Variants in EFTUD2 observed in about 807,000 individuals in gnomAD.
EFTUD2 encodes the protein 116 kDa U5 small nuclear ribonucleoprotein component.
In EFTUD2, 9 loss-of-function variants were observed where a neutral mutation model predicts 114.3. That is an observed-to-expected ratio of 0.08 (90% confidence interval 0.05 to 0.14). The LOEUF (loss-of-function observed/expected upper bound fraction) is 0.14. Ranked by LOEUF, EFTUD2 falls within the 10% of genes least tolerant of loss-of-function variation. The pLI is 1.00. For missense variants in EFTUD2, 765 were observed against 1,241.2 expected (o/e 0.62, Z 5.76); for synonymous variants, 449 against 462.3 (o/e 0.97, Z 0.37).
Position 44,868,252 on chromosome 17 carries a change from C to T in EFTUD2, c.1058+35G>A, listed in dbSNP as rs771458219. ...TCCTCACTTACTGGGTAAATGATCA[C>T]CCCTCTGGAAAGTCACGTCCCATAC... On this transcript the variant is annotated intron_variant, in intron 12 of 27. Coordinates refer to ENST00000426333, the MANE Select transcript of EFTUD2 (RefSeq NM_004247.4). 3 of 1,591,706 alleles carry T rather than the reference C, an allele frequency of 1.9e-6. No homozygotes were observed. The African/African-American group carries it at 4.0e-5, about 21-fold the overall frequency.
intron 6 of EFTUD2, 69 bp downstream of exon 6, chr17:44,883,024 A>G: frequency 6.8e-7 from 1 of 1,478,726 alleles, no homozygotes; most frequent in Non-Finnish European, 9.4e-7. Context: ...GGGTGAAGGA[A>G]GGAGGAGAGA....
intron 1 of EFTUD2, among the ~76,000 whole-genome samples, chr17:44,897,215 C>CAAAAAAAAAAAAAAAAAA: frequency 1.5e-5 from 1 of 66,520 alleles, no homozygotes. Flanking sequence ...GACTCCGTCT[C>CAAAAAAAAAAAAAAAAAA]AAAAAAAAAA....
chr17:44,857,407 G>C (rs1180084616), intron 19 of EFTUD2: 2 of 409,014 alleles, frequency 4.9e-6, no homozygotes, highest in East Asian at 5.2e-5. Context: ...TATCAAACTA[G>C]GGCCTTAATT....
At chr17:44,876,175 C>T in intron 9 of EFTUD2, 75 bp from the exon 10 acceptor site, 2 of 1,515,260 alleles carry the variant, frequency 1.3e-6, no homozygotes, top group Non-Finnish European at 1.8e-6. Flanking sequence ...CCAAAGAAGG[C>T]ACTATTTCAA....
chr17:44,894,577 C>T, intron 1 of EFTUD2, 52 bp from the exon 2 acceptor site: 7 of 1,367,220 alleles, frequency 5.1e-6, no homozygotes, highest in Non-Finnish European at 7.3e-6. Context: ...TCAAGGCCTT[C>T]ATGTGGTGGC....
intron 20 of EFTUD2, among the ~76,000 whole-genome samples, chr17:44,856,225 G>C (rs1300304237): frequency 2.0e-5 from 3 of 151,514 alleles, no homozygotes; most frequent in Non-Finnish European, 4.4e-5. Flanking sequence ...CAATCTACTG[G>C]TCTTTATGAA....
At chr17:44,855,047 A>G (rs1388139751) in intron 20 of EFTUD2, 43 bp from the exon 21 acceptor site, 1 of 1,530,056 alleles carries the variant, frequency 6.5e-7, no homozygotes, top group Non-Finnish European at 9.1e-7. Context: ...CTAACAGAAC[A>G]GCAGAAGAGG....
chr17:44,871,675 A>T (rs1168124242), intron 11 of EFTUD2, among the ~76,000 whole-genome samples: 4 of 151,596 alleles, frequency 2.6e-5, no homozygotes, highest in African/African-American at 9.7e-5. Flanking sequence ...TTTTTTTTTC[A>T]CAAGAGCAAA....
At chr17:44,876,242 AG>A in intron 9 of EFTUD2, 142 bp from the exon 10 acceptor site, 2 of 975,130 alleles carry the variant, frequency 2.1e-6, no homozygotes, top group Non-Finnish European at 2.9e-6. Flanking sequence ...GTGGAAGCAG[AG>A]AGCATCCTGC....
At chr17:44,868,257 C>T (rs139520755) in intron 12 of EFTUD2, 30 bp downstream of exon 12, 1 of 1,603,850 alleles carries the variant, frequency 6.2e-7, no homozygotes, top group Non-Finnish European at 8.5e-7. Context: ...GATCACCCCT[C>T]TGGAAAGTCA....
At chr17:44,865,210 A>T (rs2050723610) in intron 13 of EFTUD2, 145 bp from the exon 14 acceptor site, 1 of 1,267,588 alleles carries the variant, frequency 7.9e-7, no homozygotes, top group Non-Finnish European at 1.1e-6. Context: ...CAAGGACAAA[A>T]GTTTGGTTTC....
Position 44,859,190 on chromosome 17 carries a change from C to T in EFTUD2, c.1861-9G>A. 6.3e-7 allele frequency: 1 copy of T among 1,599,620 alleles called. No individual in the cohort carries two copies. Among genetic ancestry groups the T allele is most frequent in the Middle Eastern group, 1.7e-4 (1 of 6,032 alleles). ...TCGCCAGACTCCTCCACCTGAAACA[C>T]AACAGGCAGTCACAGCCTGGATTCT... On this transcript the variant is annotated splice_polypyrimidine_tract_variant and intron_variant, in intron 18 of 27. Coordinates refer to ENST00000426333, the MANE Select transcript of EFTUD2 (RefSeq NM_004247.4).
chr17:44,898,351 G>C (rs1388944200), intron 1 of EFTUD2, among the ~76,000 whole-genome samples: 1 of 152,076 alleles, frequency 6.6e-6, no homozygotes, highest in Non-Finnish European at 1.5e-5. Flanking sequence ...CCGAGTAGTT[G>C]GGACTACAGG....
At chr17:44,894,550 A>ATC (rs766047847) in intron 1 of EFTUD2, 25 bp from the exon 2 acceptor site, 7 of 1,575,332 alleles carry the variant, frequency 4.4e-6, no homozygotes, top group Non-Finnish European at 6.1e-6. Flanking sequence ...GAGAAGAGTT[A>ATC]GATTCTGACA....
At chr17:44,885,432 T>C in intron 3 of EFTUD2, 98 bp from the exon 4 acceptor site, 1 of 830,030 alleles carries the variant, frequency 1.2e-6, no homozygotes, top group Non-Finnish European at 2.0e-6. Context: ...ATGTATGATG[T>C]ATGACATCAA....
At position 44,894,449 on chromosome 17, in the gene EFTUD2, C is replaced by T; in HGVS notation, c.73G>A (p.Glu25Lys). ...PELDSDEDDD[E>K]LGRETKDLDE... ...AGATCTTTGGTCTCTCTACCCAATTCATCATCATCTTCATCAGAATCAAGC... is the reference window on the plus strand; with the variant it reads ...AGATCTTTGGTCTCTCTACCCAATTTATCATCATCTTCATCAGAATCAAGC... The change falls in exon 2 of 28, where the codon GAA becomes AAA. Residue 25 changes from glutamate (E) to lysine (K), a missense_variant. Transcript: ENST00000426333. 6.2e-7 allele frequency: 1 copy of T among 1,614,000 alleles called. No individual in the cohort carries two copies. The highest frequency in any genetic ancestry group is 8.5e-7 in the Non-Finnish European group (1 of 1,179,876).
At chr17:44,874,253 C>T (rs2050908085) in intron 10 of EFTUD2, among the ~76,000 whole-genome samples, 1 of 152,118 alleles carries the variant, frequency 6.6e-6, no homozygotes, top group Admixed American at 6.6e-5. Context: ...CTATGTTGCC[C>T]AGGCTGGCCT....
At chr17:44,875,052 T>C (rs1369226873) in intron 10 of EFTUD2, among the ~76,000 whole-genome samples, 4 of 152,138 alleles carry the variant, frequency 2.6e-5, no homozygotes, top group Non-Finnish European at 5.9e-5. Context: ...ATGGTTGGTA[T>C]GTGGTGAAGA....
Position 44,876,131 on chromosome 17 carries a change from G to A in EFTUD2, c.703-31C>T, listed in dbSNP as rs374840032. 3 of 1,589,880 alleles carry A rather than the reference G, an allele frequency of 1.9e-6. No homozygotes were observed. The East Asian group carries it at 6.8e-5, about 36-fold the overall frequency. On this transcript the variant is annotated intron_variant, in intron 9 of 27. Coordinates refer to ENST00000426333, the MANE Select transcript of EFTUD2 (RefSeq NM_004247.4). ...AAAAACAAGGCTCAGAAGGTGGTAA[G>A]AAGAACAAGGAGGGCAGAAAGTTCA... is the stretch of plus-strand genomic sequence containing the variant.
Sources: allele counts gnomAD v4.1 joint callset (sites outside exome capture counted in the v4.1 genomes callset), GRCh38; gene constraint gnomAD v4.1.1; transcripts MANE v1.5; gene names NCBI Gene and HGNC (gene_info 2026-07-23, HGNC 2026-07-21).